Variants in TMEM132D observed in about 807,000 individuals in gnomAD.
The protein encoded by TMEM132D is transmembrane protein 132D, also known as mature OL transmembrane protein.
TMEM132D carries 21 observed loss-of-function variants against 62.3 expected under a neutral mutation model. The ratio of observed to expected loss-of-function variants is 0.34; its 90% CI spans 0.24 to 0.49. TMEM132D has a LOEUF of 0.49. Among genes scored for constraint, TMEM132D ranks in the 20% least tolerant of loss-of-function variants. TMEM132D has a pLI of 0.99. For synonymous variants in TMEM132D, 621 were observed against 575.6 expected, an observed-to-expected ratio of 1.08 and a Z score of -1.13; for missense variants, 1,346 against 1,402.8, an observed-to-expected ratio of 0.96 and a Z score of 0.65.
At chr12:129,163,824 A>G (rs1877465573) in intron 5 of TMEM132D, among the ~76,000 whole-genome samples, 1 of 152,226 alleles carries the variant, frequency 6.6e-6, no homozygotes, top group Non-Finnish European at 1.5e-5. Context: ...CCAGACTGAT[A>G]CAGCGATAAT....
At chr12:129,326,135 T>C (rs1423305396) in intron 4 of TMEM132D, among the ~76,000 whole-genome samples, 1 of 152,178 alleles carries the variant, frequency 6.6e-6, no homozygotes, top group Non-Finnish European at 1.5e-5. Context: ...CTACCTGCCT[T>C]GGTTAATCCC....
chr12:129,113,774 G>C (rs1329239749), intron 5 of TMEM132D, among the ~76,000 whole-genome samples: 4 of 147,424 alleles, frequency 2.7e-5, no homozygotes. Flanking sequence ...AAAGGGCCGG[G>C]CTGGGTGGTC....
At chr12:129,233,852 GGGTCAATGGATTCAGTAAAAAAAA>G (rs1443995792) in intron 4 of TMEM132D, among the ~76,000 whole-genome samples, 2 of 147,660 alleles carry the variant, frequency 1.4e-5, no homozygotes, top group Non-Finnish European at 3.0e-5. Flanking sequence ...CTGTTTTCAA[GGGTCAATGGATTCAGTAAAAAAAA>G]GTAAAGTATA....
Position 129,271,966 on chromosome 12 carries a change from G to C in TMEM132D, c.1300-62303C>G, listed in dbSNP as rs190027786. On this transcript the variant is annotated intron_variant, in intron 4 of 8. Transcript: ENST00000422113. The stretch of plus-strand genomic sequence containing the variant: ...GGGTTAAACAGTATTTCTGGTTCTA[G>C]ATCTTTGAGGAATTGCCACATTACC... 7.0e-4 allele frequency among the ~76,000 whole-genome samples: 106 copies of C among 151,952 alleles called. 3 individuals carry two copies. Among genetic ancestry groups the C allele is most frequent in the African/African-American group, 2.4e-3 (97 of 41,240 alleles).
intron 1 of TMEM132D, among the ~76,000 whole-genome samples, chr12:129,799,708 C>A (rs1289275399): frequency 6.6e-6 from 1 of 152,102 alleles, no homozygotes; most frequent in Non-Finnish European, 1.5e-5. Context: ...TCCATCCCTG[C>A]TGTAAAGGAA....
chr12:129,713,771 C>T lies in TMEM132D; in HGVS notation c.80-13073G>A, dbSNP rs1868464956. Among the ~76,000 whole-genome samples the T allele has an allele frequency of 2.6e-5, 4 of 152,310 alleles. 1 individual carries two copies. In the South Asian group the frequency reaches 8.3e-4, roughly 32 times the overall value. ...TTCTCCAACATTGGCCTACATGTGACTCATCTACCCAGCAGGCTTGCCGTG... is the reference window on the plus strand; with the variant it reads ...TTCTCCAACATTGGCCTACATGTGATTCATCTACCCAGCAGGCTTGCCGTG... On this transcript the variant is annotated intron_variant, in intron 1 of 8. Transcript: ENST00000422113.
At chr12:129,295,041 C>T (rs1429193901) in intron 4 of TMEM132D, among the ~76,000 whole-genome samples, 1 of 152,132 alleles carries the variant, frequency 6.6e-6, no homozygotes, top group African/African-American at 2.4e-5. Context: ...AAATTGCCCT[C>T]CATAATGTGG....
chr12:129,590,687 G>A (rs959983838), intron 2 of TMEM132D, among the ~76,000 whole-genome samples: 4 of 152,150 alleles, frequency 2.6e-5, no homozygotes, highest in Admixed American at 1.3e-4. Flanking sequence ...TTAGGCTGTC[G>A]GGATGCAAGC....
At chr12:129,130,531 G>A (rs1370955709) in intron 5 of TMEM132D, among the ~76,000 whole-genome samples, 1 of 152,142 alleles carries the variant, frequency 6.6e-6, no homozygotes, top group African/African-American at 2.4e-5. Flanking sequence ...CCACGTTCTA[G>A]AACGTTCTTG....
chr12:129,429,760 G>T (rs1200498858), intron 3 of TMEM132D, among the ~76,000 whole-genome samples: 2 of 130,420 alleles, frequency 1.5e-5, no homozygotes, highest in African/African-American at 2.9e-5. Flanking sequence ...ACAGGCCCCG[G>T]TGTGTGATGT....
intron 3 of TMEM132D, among the ~76,000 whole-genome samples, chr12:129,483,257 C>T (rs1254927249): frequency 1.3e-5 from 2 of 152,180 alleles, no homozygotes; most frequent in South Asian, 2.1e-4. Context: ...TTGTCTAATA[C>T]TGTGGTTCTC....
At chr12:129,088,043 ATGACCGGG>A (rs1565959617) in intron 5 of TMEM132D, among the ~76,000 whole-genome samples, 7 of 65,294 alleles carry the variant, frequency 1.1e-4, no homozygotes, top group African/African-American at 4.9e-4. Flanking sequence ...GGTGTCCTCT[ATGACCGGG>A]TGTCCTCCAT....
intron 5 of TMEM132D, among the ~76,000 whole-genome samples, chr12:129,124,120 C>T (rs1168640795): frequency 6.6e-6 from 1 of 152,124 alleles, no homozygotes; most frequent in Non-Finnish European, 1.5e-5. Flanking sequence ...GAGTTTTCCA[C>T]AAATTGTTAA....
At chr12:129,309,600 G>A (rs1593331806) in intron 4 of TMEM132D, among the ~76,000 whole-genome samples, 1 of 152,130 alleles carries the variant, frequency 6.6e-6, no homozygotes. Flanking sequence ...TCACTCAGAG[G>A]AGAGTTGCAC....
intron 1 of TMEM132D, among the ~76,000 whole-genome samples, chr12:129,843,932 T>TA (rs71848349): frequency 0.18 from 26,436 of 150,810 alleles, 2,969 homozygotes; most frequent in East Asian, 0.52. Context: ...CTACAAAAAT[T>TA]AAAAAAAAAA....
At chr12:129,429,121 TGTA>T (rs1872578421) in intron 3 of TMEM132D, among the ~76,000 whole-genome samples, 1 of 96,340 alleles carries the variant, frequency 1.0e-5, no homozygotes, top group African/African-American at 2.8e-5. Context: ...AGTTACTCAC[TGTA>T]GTCCAAAATC....
chr12:129,357,246 C>CAA (rs751595186), intron 3 of TMEM132D, among the ~76,000 whole-genome samples: 12 of 91,176 alleles, frequency 1.3e-4, no homozygotes, highest in East Asian at 3.9e-4. Context: ...GACCGTGTCT[C>CAA]AAAAAAAAAA....
intron 1 of TMEM132D, among the ~76,000 whole-genome samples, chr12:129,859,501 G>C (rs1292081324): frequency 6.6e-6 from 1 of 152,150 alleles, no homozygotes; most frequent in Non-Finnish European, 1.5e-5. Context: ...ATAATACTTT[G>C]CATAGCTGGT....
chr12:129,129,403 G>T (rs974355246), intron 5 of TMEM132D, among the ~76,000 whole-genome samples: 1 of 152,136 alleles, frequency 6.6e-6, no homozygotes, highest in African/African-American at 2.4e-5. Context: ...TGATGGGCAC[G>T]TTGGTTGATC....
Sources: gnomAD v4.1 joint callset for allele counts (sites outside exome capture counted in the v4.1 genomes callset) on GRCh38, gnomAD v4.1.1 for gene constraint, MANE v1.5 for transcripts, NCBI Gene and HGNC (gene_info 2026-07-23, HGNC 2026-07-21) for gene names.